The following NAALADL2 variants were observed in gnomAD, a reference collection of about 807,000 sequenced individuals.
NAALADL2 encodes the protein inactive N-acetylated-alpha-linked acidic dipeptidase-like protein 2.
A neutral mutation model predicts 87.2 loss-of-function variants in NAALADL2; 76 were observed. The ratio of observed to expected loss-of-function variants is 0.87; its 90% CI spans 0.72 to 1.05. The LOEUF (loss-of-function observed/expected upper bound fraction) is 1.05, where lower values mean the gene tolerates loss of function less well. Among genes scored for constraint, NAALADL2 ranks in the 50% least tolerant of loss-of-function variants. The pLI is 0.00. For missense variants in NAALADL2, 1,089 were observed against 945.8 expected (o/e 1.15, Z -1.99); for synonymous variants, 354 against 331.0 (o/e 1.07, Z -0.75).
At chr3:175,740,585 G>C (rs1357944161) in intron 12 of NAALADL2, among the ~76,000 whole-genome samples, 1 of 152,160 alleles carries the variant, frequency 6.6e-6, no homozygotes, top group Non-Finnish European at 1.5e-5. Flanking sequence ...TGAGAACAAA[G>C]GCATTTCTAA....
intron 1 of NAALADL2, among the ~76,000 whole-genome samples, chr3:174,873,897 A>C (rs565932429): frequency 2.0e-5 from 3 of 152,002 alleles, no homozygotes; most frequent in South Asian, 2.1e-4. Context: ...GGAATAAAGA[A>C]TTCTGCCATC....
chr3:175,016,661 A>C (rs1357236130), intron 1 of NAALADL2, among the ~76,000 whole-genome samples: 1 of 151,930 alleles, frequency 6.6e-6, no homozygotes, highest in Non-Finnish European at 1.5e-5. Context: ...TAAGCCATGC[A>C]TTTTTAATAT....
intron 9 of NAALADL2, among the ~76,000 whole-genome samples, chr3:175,509,513 CT>C (rs1418497420): frequency 6.6e-6 from 1 of 152,138 alleles, no homozygotes; most frequent in Non-Finnish European, 1.5e-5. Context: ...TAAATCACTC[CT>C]TTTTTGTGTA....
intron 5 of NAALADL2, among the ~76,000 whole-genome samples, chr3:175,324,655 G>A (rs1011672192): frequency 1.3e-5 from 2 of 152,306 alleles, no homozygotes; most frequent in Non-Finnish European, 2.9e-5. Flanking sequence ...CCAATAGCAT[G>A]TACAGATACC....
intron 5 of NAALADL2, among the ~76,000 whole-genome samples, chr3:175,398,344 CTTTTTTTTTTTT>C (rs776575751): frequency 8.9e-6 from 1 of 112,090 alleles, no homozygotes; most frequent in African/African-American, 3.4e-5. Context: ...GCTTCTGCTA[CTTTTTTTTTTTT>C]TTTTTTTTTT....
At chr3:175,262,476 A>G (rs1751208339) in intron 4 of NAALADL2, among the ~76,000 whole-genome samples, 1 of 152,002 alleles carries the variant, frequency 6.6e-6, no homozygotes, top group Non-Finnish European at 1.5e-5. Context: ...AAATCTGTAG[A>G]TGCATTTAAT....
intron 1 of NAALADL2, among the ~76,000 whole-genome samples, chr3:174,460,128 TA>T (rs1716116843): frequency 6.6e-6 from 1 of 152,154 alleles, no homozygotes; most frequent in African/African-American, 2.4e-5. Flanking sequence ...TAAAGCATAC[TA>T]AGATTTTTTA....
intron 3 of NAALADL2, among the ~76,000 whole-genome samples, chr3:174,795,496 A>G (rs1717977956): frequency 6.6e-6 from 1 of 152,186 alleles, no homozygotes; most frequent in Non-Finnish European, 1.5e-5. Context: ...TGTTCATATG[A>G]ACATCTACAT....
intron 5 of NAALADL2, among the ~76,000 whole-genome samples, chr3:175,402,908 G>T (rs1197332019): frequency 6.6e-6 from 1 of 152,002 alleles, no homozygotes; most frequent in Admixed American, 6.6e-5. Context: ...GAAGGGCAAG[G>T]TCATATTCAC....
At chr3:174,449,124 T>G (rs1371554909) in intron 1 of NAALADL2, among the ~76,000 whole-genome samples, 2 of 152,188 alleles carry the variant, frequency 1.3e-5, no homozygotes, top group Non-Finnish European at 2.9e-5. Context: ...AATTCGAGGT[T>G]AGACATTCAT....
intron 1 of NAALADL2, among the ~76,000 whole-genome samples, chr3:175,030,376 T>G (rs755481522): frequency 1.3e-5 from 2 of 152,126 alleles, no homozygotes; most frequent in Non-Finnish European, 2.9e-5. Context: ...ATTGTGTTTT[T>G]AAGCTTGAAT....
At chr3:175,348,601 C>T (rs1322777764) in intron 5 of NAALADL2, among the ~76,000 whole-genome samples, 2 of 152,126 alleles carry the variant, frequency 1.3e-5, no homozygotes, top group African/African-American at 2.4e-5. Context: ...GTCAACACTC[C>T]GTGGTGTTCC....
intron 11 of NAALADL2, among the ~76,000 whole-genome samples, chr3:175,704,924 A>T (rs1739475811): frequency 6.6e-6 from 1 of 152,204 alleles, no homozygotes; most frequent in African/African-American, 2.4e-5. Flanking sequence ...CTGTGGTAAC[A>T]AAGAAAGGAT....
At chr3:174,656,718 T>G (rs1456292577) in intron 2 of NAALADL2, among the ~76,000 whole-genome samples, 1 of 152,162 alleles carries the variant, frequency 6.6e-6, no homozygotes, top group Admixed American at 6.5e-5. Context: ...GCTGTTTCCA[T>G]TTGATTTTCT....
In NAALADL2 at chr3:175,089,470, A is replaced by C. The variant is rs532568135; in HGVS notation, c.44-7320A>C. Reference sequence around the variant, plus strand: ...GGAAAATAATTGCTGAGCCTCAGATAACCTCATCTATAAAACGGGGATAAT... The same window carrying C: ...GGAAAATAATTGCTGAGCCTCAGATCACCTCATCTATAAAACGGGGATAAT... On this transcript the variant is annotated intron_variant, in intron 1 of 13. Coordinates refer to ENST00000454872, the MANE Select transcript of NAALADL2 (RefSeq NM_207015.3). 1.2e-4 allele frequency among the ~76,000 whole-genome samples: 19 copies of C among 152,322 alleles called. No individual in the cohort carries two copies. In the South Asian group the frequency reaches 3.5e-3, roughly 28 times the overall value.
chr3:175,194,960 A>T (rs1410729637), intron 2 of NAALADL2, among the ~76,000 whole-genome samples: 1 of 151,746 alleles, frequency 6.6e-6, no homozygotes, highest in Non-Finnish European at 1.5e-5. Flanking sequence ...TGGAGTCACC[A>T]TTTAATCAAT....
chr3:175,354,868 A>G (rs1764166998), intron 5 of NAALADL2, among the ~76,000 whole-genome samples: 1 of 122,636 alleles, frequency 8.2e-6, no homozygotes, highest in South Asian at 2.6e-4. Flanking sequence ...ATACATACAT[A>G]CATACATATA....
At chr3:175,202,690 TATG>T (rs1451646104) in intron 2 of NAALADL2, among the ~76,000 whole-genome samples, 1 of 152,030 alleles carries the variant, frequency 6.6e-6, no homozygotes, top group African/African-American at 2.4e-5. Flanking sequence ...CCCAAGAGTA[TATG>T]CCCTTTGCCT....
At chr3:174,956,982 A>T (rs1439310444) in intron 1 of NAALADL2, among the ~76,000 whole-genome samples, 4 of 151,996 alleles carry the variant, frequency 2.6e-5, no homozygotes, top group Admixed American at 2.6e-4. Flanking sequence ...TTTCTCTATC[A>T]GTACTCACCG....
Sources: allele counts gnomAD v4.1 joint callset (sites outside exome capture counted in the v4.1 genomes callset), GRCh38; gene constraint gnomAD v4.1.1; transcripts MANE v1.5; gene names NCBI Gene and HGNC (gene_info 2026-07-23, HGNC 2026-07-21).